MYO15B: variants seen among roughly 807,000 people sequenced by gnomAD.
MYO15B encodes myosin XVB.
MYO15B carries 207 observed loss-of-function variants against 119.3 expected under a neutral mutation model. The observed-to-expected ratio is 1.73, with a 90% CI of 1.55 to 1.95. MYO15B has a LOEUF of 1.95. Among genes scored for constraint, MYO15B ranks in the 30% most tolerant of loss-of-function variants. MYO15B has a pLI of 0.00. For synonymous variants in MYO15B, 966 were observed against 498.9 expected, an observed-to-expected ratio of 1.94 and a Z score of -12.48; for missense variants, 2,264 against 1,203.1, an observed-to-expected ratio of 1.88 and a Z score of -13.04.
Position 75,624,539 on chromosome 17 carries a change from C to T in MYO15B, c.8446-4C>T. The T allele has an allele frequency of 1.4e-6, 1 of 703,080 alleles. No homozygotes were observed. The highest frequency in any genetic ancestry group is 2.3e-4 in the Middle Eastern group (1 of 4,370). The allele number at this position is 703,080 out of a possible 1,614,324, so 43.6% of individuals were successfully genotyped here. On this transcript the variant is annotated splice_polypyrimidine_tract_variant and splice_region_variant and intron_variant, in intron 57 of 63. Coordinates refer to ENST00000645453, the Ensembl canonical transcript of MYO15B. ...CCCTCATCACAGTCTGTCCACATGC[C>T]CAGGTAGCAGCAGAAGTGCAGGAGG...
rs1429170839 is a variant in MYO15B at position 75,592,163 on chromosome 17, G to A, written c.2652-75G>A. ...GCTGCTTCCCTGGGGTCCAGACCCT[G>A]GTAGGGCTTCTTCTGCACGGGGCCC... On this transcript the variant is annotated intron_variant, in intron 6 of 63. Coordinates refer to ENST00000645453, the Ensembl canonical transcript of MYO15B. 3 of 701,132 alleles carry A rather than the reference G, an allele frequency of 4.3e-6. No individual in the cohort carries two copies. The African/African-American group carries it at 5.2e-5, about 12-fold the overall frequency. The allele number at this position is 701,132 out of a possible 1,614,324, so 43.4% of individuals were successfully genotyped here.
exon 36 of MYO15B, chr17:75,615,832 C>G: frequency 1.4e-6 from 1 of 702,428 alleles, no homozygotes; most frequent in Non-Finnish European, 2.6e-6. Context: ...AAGCCCCCCA[C>G]ACCCCCGGAG....
Position 75,626,021 on chromosome 17 carries a change from G to A in MYO15B, c.9072+44G>A, listed in dbSNP as rs763921219. 1.1e-4 allele frequency: 75 copies of A among 698,040 alleles called. 1 individual carries two copies. Among genetic ancestry groups the A allele is most frequent in the South Asian group, 1.1e-3 (71 of 67,464 alleles). The allele number at this position is 698,040 out of a possible 1,614,324, so 43.2% of individuals were successfully genotyped here. ...TCAGCACTGGCCTAGGGACCCTTGGGCTGTTCCATCACCCACAATGACCCC... is the reference window on the plus strand; with the variant it reads ...TCAGCACTGGCCTAGGGACCCTTGGACTGTTCCATCACCCACAATGACCCC... On this transcript the variant is annotated intron_variant, in intron 62 of 63. Transcript: ENST00000645453.
At chr17:75,609,983 A>G (rs2057917099) in intron 21 of MYO15B, among the ~76,000 whole-genome samples, 183 bp from the exon 22 acceptor site, 2 of 152,024 alleles carry the variant, frequency 1.3e-5, no homozygotes, top group Admixed American at 1.3e-4. Flanking sequence ...CAGCCACCGC[A>G]CCCGACCCTT....
At chr17:75,619,285 G>T in intron 44 of MYO15B, 67 bp downstream of exon 44, 1 of 702,576 alleles carries the variant, frequency 1.4e-6, no homozygotes, top group Non-Finnish European at 2.6e-6. Flanking sequence ...CTGAAGGAGG[G>T]AGCAGCATGG....
exon 38 of MYO15B, chr17:75,616,389 GAGGAGGAGGAGGAGGAGGAGGAGGAGC>G (rs2058372490): frequency 1.6e-6 from 1 of 616,722 alleles, no homozygotes; most frequent in East Asian, 2.7e-5. Flanking sequence ...GCAGGAGGAG[GAGGAGGAGGAGGAGGAGGAGGAGGAGC>G]AGGAGGAGCA....
At chr17:75,607,176 C>T (rs1309135194) in intron 21 of MYO15B, 21 of 384,054 alleles carry the variant, frequency 5.5e-5, no homozygotes, top group Admixed American at 9.0e-5. Flanking sequence ...ATTTCCAACA[C>T]GTTTTCATCC....
At chr17:75,593,900 C>T (rs942053495) in intron 9 of MYO15B, among the ~76,000 whole-genome samples, 5 of 137,710 alleles carry the variant, frequency 3.6e-5, no homozygotes, top group African/African-American at 1.4e-4. Context: ...GCCTGAGCAA[C>T]AAGAGCGAGA....
exon 61 of MYO15B, chr17:75,625,647 G>C (rs1010815439): frequency 2.8e-6 from 2 of 703,042 alleles, no homozygotes; most frequent in Admixed American, 2.0e-5. Flanking sequence ...AGGAAGCACA[G>C]ATCAGCTTCA....
Position 75,589,115 on chromosome 17 carries a change from C to A in MYO15B, c.1058C>A (p.Ser353Tyr). 2.6e-6 allele frequency: 1 copy of A among 392,084 alleles called. No individual in the cohort carries two copies. The highest frequency in any genetic ancestry group is 4.5e-6 in the Non-Finnish European group (1 of 221,804). The allele number at this position is 392,084 out of a possible 1,614,324, so 24.3% of individuals were successfully genotyped here. A position where few individuals can be genotyped will look rare whatever the true frequency, so the allele number is the denominator to read the frequency against. Reference sequence around the variant, plus strand: ...GCGAGGCCCCCGCCAGGCGCCGCTTCCCAGGCCGTGGGCCCCCGCCGCGCT... The same window carrying A: ...GCGAGGCCCCCGCCAGGCGCCGCTTACCAGGCCGTGGGCCCCCGCCGCGCT... The change falls in exon 1 of 64, where the codon TCC (serine) becomes TAC (tyrosine). Residue 353 changes from serine (S) to tyrosine (Y), a missense_variant. Physicochemically the swap from Ser to Tyr is moderately radical, Grantham distance 144. Coordinates refer to ENST00000645453, the Ensembl canonical transcript of MYO15B. The surrounding 1 kb of genome is among the most constrained non-coding windows in gnomAD (Gnocchi z 4.2).
intron 28 of MYO15B, 41 bp from the exon 29 acceptor site, chr17:75,613,664 G>T: frequency 1.4e-6 from 1 of 698,820 alleles, no homozygotes; most frequent in Non-Finnish European, 2.6e-6. Context: ...GGTGGACTCT[G>T]CTGTCCCTCA....
chr17:75,602,422 G>A (rs1330826168), intron 15 of MYO15B, 95 bp from the exon 16 acceptor site: 2 of 702,038 alleles, frequency 2.8e-6, no homozygotes, highest in Non-Finnish European at 5.2e-6. Context: ...CTGGGGAGAG[G>A]GTAGATTCTT....
intron 42 of MYO15B, 41 bp downstream of exon 42, chr17:75,617,963 TGGCAGGGA>T (rs746178332): frequency 1.1e-5 from 8 of 698,128 alleles, no homozygotes; most frequent in Non-Finnish European, 2.1e-5. Flanking sequence ...CTCTTTGGGC[TGGCAGGGA>T]GGCGGCAGGC....
intron 14 of MYO15B, among the ~76,000 whole-genome samples, chr17:75,600,289 AG>A (rs2057173329): frequency 6.6e-6 from 1 of 151,868 alleles, no homozygotes; most frequent in Non-Finnish European, 1.5e-5. Context: ...GGCCTCCCAA[AG>A]TGCTGGGATT....
chr17:75,587,811 G>A (rs1234994891), exon 1 of MYO15B, among the ~76,000 whole-genome samples: 2 of 152,264 alleles, frequency 1.3e-5, no homozygotes, highest in African/African-American at 4.8e-5. Context: ...CTGTTGCCCT[G>A]TCCGCAGCTG....
chr17:75,593,465 A>T (rs1408406781), intron 9 of MYO15B, among the ~76,000 whole-genome samples: 2 of 151,834 alleles, frequency 1.3e-5, no homozygotes, highest in East Asian at 3.9e-4. Context: ...GGGTGTGGTG[A>T]CACGTGCCTG....
At chr17:75,598,741 A>G (rs951860527) in intron 14 of MYO15B, among the ~76,000 whole-genome samples, 1 of 152,132 alleles carries the variant, frequency 6.6e-6, no homozygotes, top group South Asian at 2.1e-4. Context: ...GATAATTAAG[A>G]GAGTGTTAAT....
intron 49 of MYO15B, 73 bp downstream of exon 49, chr17:75,620,709 C>T (rs1400722844): frequency 7.2e-6 from 5 of 690,616 alleles, no homozygotes; most frequent in Middle Eastern, 2.3e-4. Context: ...GGTTTGACCA[C>T]TCCCGAGGCT....
intron 14 of MYO15B, 113 bp from the exon 15 acceptor site, chr17:75,601,320 AAAGCC>A: frequency 1.7e-6 from 1 of 594,760 alleles, no homozygotes; most frequent in South Asian, 2.0e-5. Context: ...TTTGGGGAAC[AAAGCC>A]AAACCTACCC....
Sources: gnomAD v4.1 joint callset for allele counts (sites outside exome capture counted in the v4.1 genomes callset) on GRCh38, gnomAD v4.1.1 for gene constraint, Gnocchi (gnomAD v3.1) non-coding constraint, MANE v1.5 for transcripts, NCBI Gene and HGNC (gene_info 2026-07-23, HGNC 2026-07-21) for gene names.